Variants in TRANK1 observed in about 807,000 individuals in gnomAD.
The protein encoded by TRANK1 is TPR and ankyrin repeat-containing protein 1.
Under a neutral mutation model 266.0 loss-of-function variants are expected in TRANK1, and 198 were observed. The ratio of observed to expected loss-of-function variants is 0.74; its 90% CI spans 0.66 to 0.84. The LOEUF (loss-of-function observed/expected upper bound fraction) is 0.84. Ranked by LOEUF, TRANK1 falls within the 40% of genes least tolerant of loss-of-function variation. TRANK1 has a pLI of 0.00. For synonymous variants in TRANK1, 1,396 were observed against 1,384.1 expected (o/e 1.01, Z -0.19); for missense variants, 3,326 against 3,634.6 (o/e 0.92, Z 2.18).
intron 20 of TRANK1, 26 bp from the exon 21 acceptor site, chr3:36,834,933 A>G: frequency 6.3e-7 from 1 of 1,581,466 alleles, no homozygotes; most frequent in Non-Finnish European, 8.6e-7. Context: ...TTTTACTTTT[A>G]TTTAGAGTAC....
chr3:36,829,970 C>T (rs759856173), intron 22 of TRANK1, among the ~76,000 whole-genome samples: 3 of 152,200 alleles, frequency 2.0e-5, no homozygotes, highest in Non-Finnish European at 4.4e-5. Context: ...AATTATGGAA[C>T]ATTTTAAAAT....
At position 36,928,210 on chromosome 3, in the gene TRANK1, C is replaced by T. The variant is rs536395647; in HGVS notation, c.23+16577G>A. 2.0e-3 allele frequency among the ~76,000 whole-genome samples: 303 copies of T among 152,272 alleles called. 1 individual carries two copies. The highest frequency in any genetic ancestry group is 1.6e-3 in the Non-Finnish European group (111 of 68,032). On this transcript the variant is annotated intron_variant, in intron 1 of 23. Transcript: ENST00000645898. ...AAAACCAAGGTACGCCCAATAAAAC[C>T]GCCGTTGACCTTGCAAAGCAAAAAT...
rs1236081608 is a variant in TRANK1, at chr3:36,830,988, G to A, written c.8595C>T (p.Ile2865=). 3 of 1,613,994 alleles carry A rather than the reference G, an allele frequency of 1.9e-6. No individual in the cohort carries two copies. In the Admixed American group the frequency reaches 5.0e-5, roughly 27 times the overall value. ...GCTCCTTGGAGCCCACGTGACTGTG[G>A]ATCCATACACTTTGCTCGATGTCCT... The part of the protein sequence containing the change: ...VVQDIEQSVW[I]HSHVGSKEHS... The change falls in exon 22 of 24, where the codon ATC becomes ATT. Residue 2865 remains isoleucine, a synonymous_variant. Coordinates refer to ENST00000645898, the MANE Select transcript of TRANK1 (RefSeq NM_001329998.2).
rs185778341 is a variant in TRANK1, at chr3:36,886,520, G to A, written c.907+3309C>T. On this transcript the variant is annotated intron_variant, in intron 8 of 23. Transcript: ENST00000645898. The stretch of plus-strand genomic sequence containing the variant: ...TTCTAAGCCACATACAGTTTAGAGT[G>A]TAAGCCACATATGGCTATAGAGCAC... Among the ~76,000 whole-genome samples the A allele has an allele frequency of 4.3e-3, 649 of 152,280 alleles. 1 individual carries two copies. The highest frequency in any genetic ancestry group is 0.01 in the Middle Eastern group (3 of 294).
chr3:36,896,228 CTG>C (rs1224723962), intron 4 of TRANK1, among the ~76,000 whole-genome samples: 3 of 152,176 alleles, frequency 2.0e-5, no homozygotes, highest in Non-Finnish European at 2.9e-5. Flanking sequence ...AGAAACAAGA[CTG>C]GAACCCAGAT....
At chr3:36,874,016 A>G (rs946751116) in intron 9 of TRANK1, 110 bp downstream of exon 9, 63 of 1,037,550 alleles carry the variant, frequency 6.1e-5, no homozygotes, top group Non-Finnish European at 8.1e-5. Flanking sequence ...ACTTCCATAT[A>G]TATATGTGTG....
chr3:36,879,751 A>AAT lies in TRANK1; in HGVS notation c.908-5457_908-5456dup, dbSNP rs68040459. On this transcript the variant is annotated intron_variant, in intron 8 of 23. Coordinates refer to ENST00000645898, the MANE Select transcript of TRANK1 (RefSeq NM_001329998.2). Reference sequence around the variant, plus strand: ...ATATATATAAATATACAAATATATAAATATATATAAATATATATAAATATA... The same window carrying AAT: ...ATATATATAAATATACAAATATATAAATATATATATAAATATATATAAATATA... 1.1e-4 allele frequency among the ~76,000 whole-genome samples: 10 copies of AAT among 91,356 alleles called. 2 individuals are homozygous for AAT. Among genetic ancestry groups the AAT allele is most frequent in the Admixed American group, 2.6e-4 (2 of 7,754 alleles). The allele number at this position is 91,356 out of a possible 152,430, so 59.9% of individuals were successfully genotyped here.
chr3:36,942,402 G>T (rs2080507965), intron 1 of TRANK1, among the ~76,000 whole-genome samples: 1 of 139,430 alleles, frequency 7.2e-6, no homozygotes, highest in Non-Finnish European at 1.5e-5. Flanking sequence ...GAAATTCTGA[G>T]ACAAGACCCA....
intron 14 of TRANK1, 25 bp from the exon 15 acceptor site, chr3:36,851,881 A>G: frequency 1.3e-6 from 2 of 1,567,942 alleles, no homozygotes; most frequent in Admixed American, 2.0e-5. Context: ...AAGAACATCA[A>G]ATTCTACAGA....
At chr3:36,920,356 T>C (rs1447092782) in intron 1 of TRANK1, among the ~76,000 whole-genome samples, 1 of 152,144 alleles carries the variant, frequency 6.6e-6, no homozygotes, top group Non-Finnish European at 1.5e-5. Context: ...CAGATTTGTT[T>C]CTGTTATGTG....
intron 8 of TRANK1, among the ~76,000 whole-genome samples, chr3:36,879,852 A>G (rs1449641598): frequency 8.8e-6 from 1 of 113,112 alleles, no homozygotes; most frequent in East Asian, 3.3e-4. Context: ...ATATATGTAA[A>G]TATACAAATA....
At chr3:36,879,961 C>T (rs187252173) in intron 8 of TRANK1, among the ~76,000 whole-genome samples, 195 of 8,736 alleles carry the variant, frequency 0.022, 41 homozygotes, top group Non-Finnish European at 0.026. Context: ...TATATGTAAA[C>T]ATGCAAATAT....
At chr3:36,848,770 C>G (rs2078947864) in intron 15 of TRANK1, among the ~76,000 whole-genome samples, 2 of 152,128 alleles carry the variant, frequency 1.3e-5, no homozygotes, top group South Asian at 4.1e-4. Flanking sequence ...TTTTGTGAAG[C>G]TATGCAGACA....
intron 2 of TRANK1, 37 bp downstream of exon 2, chr3:36,908,286 G>T: frequency 8.1e-7 from 1 of 1,232,088 alleles, no homozygotes; most frequent in South Asian, 4.1e-5. Context: ...CCCATGTACT[G>T]AAAAAGAAAA....
chr3:36,889,758 C>T lies in TRANK1; in HGVS notation c.907+71G>A, dbSNP rs551958414. On this transcript the variant is annotated intron_variant, in intron 8 of 23. Coordinates refer to ENST00000645898, the MANE Select transcript of TRANK1 (RefSeq NM_001329998.2). ...GATAGAATGGGTAAAACAAGGCAGT[C>T]GGTGGTGTGGGTCCTCAAAGCCTGA... The T allele has an allele frequency of 8.9e-6, 13 of 1,462,488 alleles. No homozygotes were observed. In the East Asian group the frequency reaches 2.0e-4, roughly 23 times the overall value. 90.6% of individuals were successfully genotyped at this position (1,462,488 alleles called of 1,614,324 possible).
At chr3:36,893,187 T>C (rs1291933794) in intron 5 of TRANK1, among the ~76,000 whole-genome samples, 1 of 152,042 alleles carries the variant, frequency 6.6e-6, no homozygotes, top group Non-Finnish European at 1.5e-5. Context: ...CTGTTCCTGC[T>C]GAGGACTAAG....
intron 22 of TRANK1, 93 bp downstream of exon 22, chr3:36,830,780 A>G (rs2078681810): frequency 7.3e-7 from 1 of 1,378,790 alleles, no homozygotes. Flanking sequence ...ACCATCCCCA[A>G]GTCAGAAGCC....
chr3:36,852,314 A>G lies in TRANK1; in HGVS notation c.4581T>C (p.Asp1527=), dbSNP rs2078995525. 10 of 1,598,164 alleles carry G rather than the reference A, an allele frequency of 6.3e-6. No individual in the cohort carries two copies. Among genetic ancestry groups the G allele is most frequent in the Non-Finnish European group, 8.5e-6 (10 of 1,174,666 alleles). Residue 1527 remains aspartate, a synonymous_variant, in exon 14 of 24, where the codon GAT becomes GAC. Transcript: ENST00000645898. The part of the protein sequence containing the change: ...GILNLASGVV[D]LLQFYFPESF... ...ATTCTGGGAAATAGAACTGAAGTAAATCCACCACTCCAGATGCCAGATTGA... is the reference window on the plus strand; with the variant it reads ...ATTCTGGGAAATAGAACTGAAGTAAGTCCACCACTCCAGATGCCAGATTGA...
At chr3:36,883,096 G>A (rs1356753057) in intron 8 of TRANK1, among the ~76,000 whole-genome samples, 1 of 151,976 alleles carries the variant, frequency 6.6e-6, no homozygotes, top group Non-Finnish European at 1.5e-5. Context: ...AACTACATAA[G>A]CATTTATACA....
Sources: gnomAD v4.1 joint callset for allele counts (sites outside exome capture counted in the v4.1 genomes callset) on GRCh38, gnomAD v4.1.1 for gene constraint, MANE v1.5 for transcripts, NCBI Gene and HGNC (gene_info 2026-07-23, HGNC 2026-07-21) for gene names.